Variants in TPT1 observed in about 807,000 individuals in gnomAD.
TPT1 encodes translationally-controlled tumor protein.
Under a neutral mutation model 22.8 loss-of-function variants are expected in TPT1, and 5 were observed. The observed-to-expected ratio is 0.22, with a 90% CI of 0.11 to 0.46. The LOEUF (loss-of-function observed/expected upper bound fraction) is 0.46. Ranked by LOEUF, TPT1 falls within the 20% of genes least tolerant of loss-of-function variation. The pLI is 0.99. For synonymous variants in TPT1, 89 were observed against 73.6 expected (o/e 1.21, Z -1.07); for missense variants, 130 against 218.7 (o/e 0.59, Z 2.56).
At chr13:45,340,679 G>A (rs767842278) in intron 2 of TPT1, 33 bp downstream of exon 2, 20 of 1,560,374 alleles carry the variant, frequency 1.3e-5, no homozygotes, top group African/African-American at 6.8e-5. Flanking sequence ...CGCTCGGCCC[G>A]GACTCCCCCA....
rs1307440554 is a variant in TPT1 at position 45,341,112 on chromosome 13, G to C, written c.-43C>G. Reference sequence around the variant, plus strand: ...GACGACGACGGCGCTAGCTTAGCACGAGCCTGAAACTCGGAGCGAGCGCGG... The same window carrying C: ...GACGACGACGGCGCTAGCTTAGCACCAGCCTGAAACTCGGAGCGAGCGCGG... On this transcript the variant is annotated 5_prime_UTR_variant, in exon 1 of 6. Transcript: ENST00000530705. The C allele has an allele frequency of 6.2e-7, 1 of 1,609,888 alleles. No individual in the cohort carries two copies. Among genetic ancestry groups the C allele is most frequent in the Admixed American group, 1.7e-5 (1 of 59,602 alleles).
intron 5 of TPT1, chr13:45,338,223 G>C (rs1322410318): frequency 5.7e-6 from 1 of 175,576 alleles, no homozygotes; most frequent in Non-Finnish European, 1.2e-5. Context: ...AGGTTTAAGT[G>C]ATTTTCCTGC....
intron 3 of TPT1, 67 bp downstream of exon 3, chr13:45,339,927 A>C (rs1168385806): frequency 2.6e-6 from 4 of 1,561,170 alleles, no homozygotes; most frequent in Non-Finnish European, 2.6e-6. Context: ...AAGAACCTCA[A>C]AAGTTAGCCA....
At position 45,340,087 on chromosome 13, in the gene TPT1, A is replaced by G. The variant is rs368094100; in HGVS notation, c.200T>C (p.Ile67Thr). 42 of 1,614,176 alleles carry G rather than the reference A, an allele frequency of 2.6e-5. No homozygotes were observed. Among genetic ancestry groups the G allele is most frequent in the Non-Finnish European group, 3.5e-5 (41 of 1,180,026 alleles). Reference protein sequence around the residue: ...PEGEGTESTVITGVDIVMNHH... With the variant: ...PEGEGTESTVTTGVDIVMNHH... ...GTTCATGACAATATCGACACCAGTGATTACTGTGCTTTCGGTACCTTCGCC... is the reference window on the plus strand; with the variant it reads ...GTTCATGACAATATCGACACCAGTGGTTACTGTGCTTTCGGTACCTTCGCC... Residue 67 changes from isoleucine to threonine, a missense_variant, in exon 3 of 6, where the codon ATC (isoleucine) becomes ACC (threonine). By Grantham distance (89) the Ile-to-Thr change is moderately conservative. Coordinates refer to ENST00000530705, the MANE Select transcript of TPT1 (RefSeq NM_003295.4).
At chr13:45,340,643 GC>G (rs1008548435) in intron 2 of TPT1, 68 bp downstream of exon 2, 2 of 1,510,128 alleles carry the variant, frequency 1.3e-6, no homozygotes, top group African/African-American at 2.8e-5. Context: ...ACAACCTCAG[GC>G]GGGGGAGCGG....
rs752660353 is a variant in TPT1, at chr13:45,341,038, T to A, written c.28+4A>T. On this transcript the variant is annotated splice_donor_region_variant and intron_variant, in intron 1 of 5. Coordinates refer to ENST00000530705, the MANE Select transcript of TPT1 (RefSeq NM_003295.4). ...GCAGTAAGGATAGTGCAGTGAGGACTCACGGCTGATGAGGTCCCGGTAGAT... is the reference window on the plus strand; with the variant it reads ...GCAGTAAGGATAGTGCAGTGAGGACACACGGCTGATGAGGTCCCGGTAGAT... The A allele has an allele frequency of 6.2e-7, 1 of 1,612,642 alleles. No homozygotes were observed. The highest frequency in any genetic ancestry group is 1.1e-5 in the South Asian group (1 of 90,934).
rs1480092324 is a variant in TPT1, at chr13:45,334,706, G to C, written c.*2680C>G. 6.6e-6 allele frequency: 1 copy of C among 151,788 alleles called. No homozygotes were observed. Among genetic ancestry groups the C allele is most frequent in the Non-Finnish European group, 1.5e-5 (1 of 68,032 alleles). The allele number at this position is 151,788 out of a possible 1,614,324, so 9.4% of individuals were successfully genotyped here. ...CACAATTATTCTATGCTTTTACCCT[G>C]CCACCTGGCAGCCAAAGTGATCCTT... On this transcript the variant is annotated 3_prime_UTR_variant, in exon 6 of 6. Transcript: ENST00000530705.
In TPT1 at chr13:45,337,370, A is replaced by C; in HGVS notation, c.*16T>G. 1.2e-6 allele frequency: 2 copies of C among 1,613,906 alleles called. No individual in the cohort carries two copies. Among genetic ancestry groups the C allele is most frequent in the Non-Finnish European group, 1.7e-6 (2 of 1,179,866 alleles). ...TATGATGACAGGTGATAGATCCAAA[A>C]TAATTGCCACATTTGTTACTGTAAA... On this transcript the variant is annotated 3_prime_UTR_variant, in exon 6 of 6. Coordinates refer to ENST00000530705, the MANE Select transcript of TPT1 (RefSeq NM_003295.4).
intron 4 of TPT1, chr13:45,339,037 A>G (rs1322141314): frequency 2.7e-5 from 10 of 375,696 alleles, no homozygotes; most frequent in Non-Finnish European, 4.7e-5. Context: ...TCCTAAATAC[A>G]ATCCCAAACC....
At chr13:45,339,154 A>C in intron 4 of TPT1, 1 of 302,162 alleles carries the variant, frequency 3.3e-6, no homozygotes, top group Non-Finnish European at 6.1e-6. Flanking sequence ...ATGAAGCTGG[A>C]AAATTAGAGG....
intron 4 of TPT1, 48 bp downstream of exon 4, chr13:45,339,449 G>T: frequency 1.3e-6 from 2 of 1,517,216 alleles, no homozygotes; most frequent in Non-Finnish European, 1.8e-6. Flanking sequence ...TTTTGCTCTT[G>T]CAGTTAAAAT....
intron 5 of TPT1, 43 bp from the exon 6 acceptor site, chr13:45,337,431 C>T: frequency 6.2e-7 from 1 of 1,614,126 alleles, no homozygotes; most frequent in Non-Finnish European, 8.5e-7. Flanking sequence ...AAACATTACA[C>T]TGCAAAAGTT....
chr13:45,338,890 G>C (rs1878892794), intron 4 of TPT1, 114 bp from the exon 5 acceptor site: 3 of 822,490 alleles, frequency 3.6e-6, no homozygotes, highest in Admixed American at 2.9e-5. Context: ...CAAAACTTCA[G>C]TACCCAAAAG....
chr13:45,338,285 A>G (rs907332826), intron 5 of TPT1: 2 of 218,640 alleles, frequency 9.1e-6, no homozygotes, highest in South Asian at 1.0e-4. Context: ...ATGCCTGGCT[A>G]ATTTTTGTAT....
At position 45,336,693 on chromosome 13, in the gene TPT1, A is replaced by G. The variant is rs750941977; in HGVS notation, c.*693T>C. 1 of 152,262 alleles carries G rather than the reference A, an allele frequency of 6.6e-6. No individual in the cohort carries two copies. Among genetic ancestry groups the G allele is most frequent in the Non-Finnish European group, 1.5e-5 (1 of 68,100 alleles). The allele number at this position is 152,262 out of a possible 1,614,324, so 9.4% of individuals were successfully genotyped here. ...CTCGAACTTAAATTCCATATCCCAC[A>G]AGGTATTCTTTTCCCCTCAACCATT... On this transcript the variant is annotated 3_prime_UTR_variant, in exon 6 of 6. Coordinates refer to ENST00000530705, the MANE Select transcript of TPT1 (RefSeq NM_003295.4).
chr13:45,337,671 A>G, intron 5 of TPT1: 1 of 986,136 alleles, frequency 1.0e-6, no homozygotes, highest in Non-Finnish European at 1.6e-6. Flanking sequence ...TACCACCCAC[A>G]CCCTGCTCTA....
At position 45,337,088 on chromosome 13, in the gene TPT1, T is replaced by C. The variant is rs1301977031; in HGVS notation, c.*298A>G. Reference sequence around the variant, plus strand: ...ACTGTAGAAGTTAATTGATGAGTAGTAGCCTACAATCAGGCTCTAGCTTCT... The same window carrying C: ...ACTGTAGAAGTTAATTGATGAGTAGCAGCCTACAATCAGGCTCTAGCTTCT... On this transcript the variant is annotated 3_prime_UTR_variant, in exon 6 of 6. Transcript: ENST00000530705. 8.9e-6 allele frequency: 4 copies of C among 451,094 alleles called. No homozygotes were observed. Among genetic ancestry groups the C allele is most frequent in the Non-Finnish European group, 1.6e-5 (4 of 249,476 alleles). 27.9% of individuals were successfully genotyped at this position (451,094 alleles called of 1,614,324 possible). A position where few individuals can be genotyped will look rare whatever the true frequency, so the allele number is the denominator to read the frequency against.
Position 45,341,169 on chromosome 13 carries a change from G to T in TPT1, c.-100C>A. 6.5e-7 allele frequency: 1 copy of T among 1,533,382 alleles called. No individual in the cohort carries two copies. Among genetic ancestry groups the T allele is most frequent in the Non-Finnish European group, 8.9e-7 (1 of 1,126,860 alleles). The allele number at this position is 1,533,382 out of a possible 1,614,324, so 95.0% of individuals were successfully genotyped here. ...CGGAGCGGCGCTCGGGGGGAGGGGG[G>T]AGCGGGCGGAAAAGGCCGACTCAGC... On this transcript the variant is annotated 5_prime_UTR_variant, in exon 1 of 6. Transcript: ENST00000530705.
intron 3 of TPT1, 46 bp downstream of exon 3, chr13:45,339,948 C>A (rs764825601): frequency 6.3e-7 from 1 of 1,592,958 alleles, no homozygotes. Context: ...ATCTTTAAAT[C>A]CTGTAAGATT....
Sources: gnomAD v4.1 joint callset for allele counts on GRCh38, gnomAD v4.1.1 for gene constraint, MANE v1.5 for transcripts, NCBI Gene and HGNC (gene_info 2026-07-23, HGNC 2026-07-21) for gene names.